The following IKZF3 variants were observed in gnomAD, a reference collection of about 807,000 sequenced individuals.
IKZF3 encodes IKAROS family zinc finger 3, also known as zinc finger protein Aiolos.
IKZF3 carries 10 observed loss-of-function variants against 49.0 expected under a neutral mutation model. The ratio of observed to expected loss-of-function variants is 0.20; its 90% CI spans 0.13 to 0.35. The LOEUF is 0.35. Among genes scored for constraint, IKZF3 ranks in the 10% least tolerant of loss-of-function variants. The pLI, the probability that IKZF3 is intolerant of heterozygous loss-of-function variation, is 1.00. For synonymous variants in IKZF3, 209 were observed against 228.2 expected, an observed-to-expected ratio of 0.92 and a Z score of 0.76; for missense variants, 498 against 664.8, an observed-to-expected ratio of 0.75 and a Z score of 2.76.
chr17:39,791,268 T>C (rs114476124), intron 5 of IKZF3, 148 bp downstream of exon 5: 2 of 718,182 alleles, frequency 2.8e-6, no homozygotes, highest in Admixed American at 2.7e-5. Flanking sequence ...TTAATGGTCG[T>C]GTAATTAGCC....
At chr17:39,849,627 G>A (rs1352724815) in intron 1 of IKZF3, among the ~76,000 whole-genome samples, 2 of 151,992 alleles carry the variant, frequency 1.3e-5, no homozygotes, top group Non-Finnish European at 2.9e-5. Context: ...ACTTCAACCT[G>A]GGCAACAGAG....
chr17:39,802,995 T>C (rs946664219), intron 3 of IKZF3, among the ~76,000 whole-genome samples: 1 of 152,196 alleles, frequency 6.6e-6, no homozygotes, highest in Non-Finnish European at 1.5e-5. Flanking sequence ...ATGGGCATAA[T>C]AATAAAAATA....
At chr17:39,835,823 G>C in intron 1 of IKZF3, 1 of 544,732 alleles carries the variant, frequency 1.8e-6, no homozygotes. Context: ...CCTTCTTGAT[G>C]AGGACAATTT....
chr17:39,853,855 C>T (rs2062957437), intron 1 of IKZF3, among the ~76,000 whole-genome samples: 2 of 145,592 alleles, frequency 1.4e-5, no homozygotes, highest in African/African-American at 5.2e-5. Context: ...AAAGGAAGAA[C>T]ACGGTGGCTC....
intron 3 of IKZF3, among the ~76,000 whole-genome samples, chr17:39,828,292 C>T (rs1307315095): frequency 5.3e-5 from 8 of 152,298 alleles, no homozygotes; most frequent in Non-Finnish European, 4.4e-5. Flanking sequence ...AAATAGCCCA[C>T]TAGTTCCGTA....
intron 7 of IKZF3, among the ~76,000 whole-genome samples, chr17:39,772,969 C>A (rs1278920352): frequency 6.6e-6 from 1 of 152,174 alleles, no homozygotes; most frequent in Non-Finnish European, 1.5e-5. Context: ...GCACCCACCA[C>A]CACACCTGGC....
At chr17:39,830,076 A>G (rs910236374) in intron 2 of IKZF3, among the ~76,000 whole-genome samples, 9 of 152,338 alleles carry the variant, frequency 5.9e-5, no homozygotes, top group African/African-American at 2.2e-4. Flanking sequence ...GAGAAAAACT[A>G]TCTCTCCATT....
At chr17:39,793,460 G>A (rs183277674) in intron 3 of IKZF3, among the ~76,000 whole-genome samples, 8 of 152,274 alleles carry the variant, frequency 5.3e-5, no homozygotes, top group South Asian at 2.1e-4. Flanking sequence ...CCCCTTCCAC[G>A]TATATGAATT....
chr17:39,830,591 CAA>C (rs2062082579), intron 2 of IKZF3, among the ~76,000 whole-genome samples: 1 of 152,036 alleles, frequency 6.6e-6, no homozygotes, highest in Admixed American at 6.5e-5. Context: ...GAAAAAGGAA[CAA>C]TGCAACTGGA....
intron 1 of IKZF3, chr17:39,835,064 G>C (rs755979946): frequency 2.4e-6 from 1 of 421,110 alleles, no homozygotes; most frequent in Admixed American, 2.9e-5. Context: ...AGCCAAAGGA[G>C]CTGGAGCCCC....
chr17:39,776,769 T>C (rs1453278431), intron 7 of IKZF3, among the ~76,000 whole-genome samples: 2 of 152,094 alleles, frequency 1.3e-5, no homozygotes, highest in African/African-American at 4.8e-5. Context: ...GAAGAATAAA[T>C]ACAAAAGGAC....
intron 1 of IKZF3, among the ~76,000 whole-genome samples, chr17:39,850,939 G>T (rs1166549948): frequency 8.1e-6 from 1 of 122,810 alleles, no homozygotes; most frequent in Non-Finnish European, 1.6e-5. Flanking sequence ...ATATATACGT[G>T]TATATATTAT....
intron 1 of IKZF3, among the ~76,000 whole-genome samples, chr17:39,843,027 G>A (rs1202743951): frequency 1.3e-5 from 2 of 152,184 alleles, no homozygotes; most frequent in African/African-American, 4.8e-5. Flanking sequence ...AGTTTACAAA[G>A]CAGCTGGCTT....
chr17:39,777,961 T>C, intron 6 of IKZF3, 194 bp from the exon 7 acceptor site: 12 of 1,278,106 alleles, frequency 9.4e-6, no homozygotes, highest in Non-Finnish European at 1.2e-5. Context: ...CATTCAAATC[T>C]TGCAGTCTTA....
At chr17:39,801,256 T>C (rs1311693649) in intron 3 of IKZF3, among the ~76,000 whole-genome samples, 1 of 151,386 alleles carries the variant, frequency 6.6e-6, no homozygotes, top group African/African-American at 2.4e-5. Flanking sequence ...AGCTTAATCA[T>C]CTTAATGTGG....
chr17:39,837,661 C>T (rs558670346), intron 1 of IKZF3, among the ~76,000 whole-genome samples: 140 of 149,476 alleles, frequency 9.4e-4, no homozygotes, highest in Non-Finnish European at 1.2e-3. Context: ...TTTTTTGAGA[C>T]GGAGTCTCAC....
chr17:39,856,008 T>TAACATGTATATTGTATATGTAC (rs2063035691), intron 1 of IKZF3, among the ~76,000 whole-genome samples: 1 of 147,864 alleles, frequency 6.8e-6, no homozygotes, highest in Non-Finnish European at 1.5e-5. Flanking sequence ...ATGTACAATA[T>TAACATGTATATTGTATATGTAC]AACATGTATA....
chr17:39,803,704 G>A (rs765169802), intron 3 of IKZF3, among the ~76,000 whole-genome samples: 6 of 152,066 alleles, frequency 3.9e-5, no homozygotes, highest in East Asian at 1.9e-4. Flanking sequence ...GTAGAGGCAG[G>A]GTTTCTCCAT....
chr17:39,801,251 A>G (rs1286379741), intron 3 of IKZF3, among the ~76,000 whole-genome samples: 1 of 152,058 alleles, frequency 6.6e-6, no homozygotes, highest in African/African-American at 2.4e-5. Flanking sequence ...AAAGAAGCTT[A>G]ATCATCTTAA....
Sources: gnomAD v4.1 joint callset for allele counts (sites outside exome capture counted in the v4.1 genomes callset) on GRCh38, gnomAD v4.1.1 for gene constraint, MANE v1.5 for transcripts, NCBI Gene and HGNC (gene_info 2026-07-23, HGNC 2026-07-21) for gene names.